The following WDFY2 variants were observed in gnomAD, a reference collection of about 807,000 sequenced individuals.
WDFY2 encodes WD repeat and FYVE domain-containing protein 2.
Under a neutral mutation model 56.4 loss-of-function variants are expected in WDFY2, and 36 were observed. That is an observed-to-expected ratio of 0.64 (90% CI 0.49 to 0.84). WDFY2 has a LOEUF of 0.84. Ranked by LOEUF, WDFY2 falls within the 40% of genes least tolerant of loss-of-function variation. The probability of loss-of-function intolerance (pLI) is 0.00; values close to 1 mark genes in which losing one functional copy is unlikely to be tolerated. For synonymous variants in WDFY2, 176 were observed against 183.7 expected (o/e 0.96, Z 0.34); for missense variants, 444 against 512.2 (o/e 0.87, Z 1.29).
At chr13:51,651,889 A>G (rs1390755025) in intron 1 of WDFY2, among the ~76,000 whole-genome samples, 2 of 152,174 alleles carry the variant, frequency 1.3e-5, no homozygotes, top group African/African-American at 2.4e-5. Context: ...GATTTGGGGT[A>G]GAGAATTCTG....
intron 6 of WDFY2, among the ~76,000 whole-genome samples, chr13:51,738,576 C>A (rs949740445): frequency 2.6e-5 from 4 of 152,136 alleles, no homozygotes; most frequent in Non-Finnish European, 5.9e-5. Context: ...TCCCAAAGAG[C>A]AAACATAATT....
intron 3 of WDFY2, among the ~76,000 whole-genome samples, chr13:51,676,025 C>A (rs1255651309): frequency 2.8e-4 from 42 of 152,152 alleles, no homozygotes; most frequent in Non-Finnish European, 1.2e-4. Context: ...GAAGGCCCTG[C>A]TCTGCTCACA....
At position 51,584,572 on chromosome 13, in the gene WDFY2, T is replaced by C; in HGVS notation, c.-116T>C. ...AGGCTATGCTCGCCGGTTTCCGGCG[T>C]TCCGCTCCGGCCAGCCAGAGTCTCT... On this transcript the variant is annotated 5_prime_UTR_variant, in exon 1 of 12. Coordinates refer to ENST00000298125, the MANE Select transcript of WDFY2 (RefSeq NM_052950.4). The C allele has an allele frequency of 7.3e-7, 1 of 1,374,386 alleles. No homozygotes were observed. Among genetic ancestry groups the C allele is most frequent in the East Asian group, 2.6e-5 (1 of 39,020 alleles). 85.1% of individuals were successfully genotyped at this position (1,374,386 alleles called of 1,614,324 possible). A position where few individuals can be genotyped will look rare whatever the true frequency, so the allele number is the denominator to read the frequency against.
intron 7 of WDFY2, among the ~76,000 whole-genome samples, chr13:51,750,417 C>T (rs1953204065): frequency 6.6e-6 from 1 of 151,890 alleles, no homozygotes; most frequent in Non-Finnish European, 1.5e-5. Context: ...TCAACTTCAG[C>T]CACAGATCAA....
rs551479259 is a variant in WDFY2, at chr13:51,739,412, G to A, written c.725+237G>A. The stretch of plus-strand genomic sequence containing the variant: ...ACAAAAACCATAAAATAAAGTAATG[G>A]CAGTGAATAAATAAAAGGTAAAAAT... On this transcript the variant is annotated intron_variant, in intron 7 of 11. Transcript: ENST00000298125. Among the ~76,000 whole-genome samples, 3 of 152,062 alleles carry A rather than the reference G, an allele frequency of 2.0e-5. No homozygotes were observed. In the East Asian group the frequency reaches 5.8e-4, roughly 29 times the overall value.
chr13:51,758,552 T>TAAAAA (rs35383381), intron 11 of WDFY2, among the ~76,000 whole-genome samples: 2 of 127,720 alleles, frequency 1.6e-5, no homozygotes, highest in African/African-American at 5.8e-5. Flanking sequence ...CCTCATCTCT[T>TAAAAA]AAAAAAAAAA....
At chr13:51,626,163 T>C (rs1266723234) in intron 1 of WDFY2, among the ~76,000 whole-genome samples, 1 of 152,216 alleles carries the variant, frequency 6.6e-6, no homozygotes, top group East Asian at 1.9e-4. Context: ...GGCCCAAGCT[T>C]GTCTTTAGAA....
chr13:51,716,794 C>T (rs1344798868), intron 4 of WDFY2, among the ~76,000 whole-genome samples: 2 of 114,530 alleles, frequency 1.7e-5, no homozygotes, highest in African/African-American at 6.3e-5. Context: ...AAAAAAAAAA[C>T]TAGCAAATTG....
At chr13:51,748,894 A>G (rs1214038232) in intron 7 of WDFY2, among the ~76,000 whole-genome samples, 3 of 152,126 alleles carry the variant, frequency 2.0e-5, no homozygotes, top group Non-Finnish European at 2.9e-5. Context: ...TTTGTCCTTC[A>G]TTTTTCTCTT....
chr13:51,631,037 C>T (rs1438784405), intron 1 of WDFY2, among the ~76,000 whole-genome samples: 2 of 150,778 alleles, frequency 1.3e-5, no homozygotes, highest in Non-Finnish European at 3.0e-5. Context: ...ATCTCGGCCT[C>T]CCAAAGTACT....
Position 51,628,612 on chromosome 13 carries a change from A to AC in WDFY2, c.138-31977dup, listed in dbSNP as rs574229785. Among the ~76,000 whole-genome samples, 19 of 151,534 alleles carry AC rather than the reference A, an allele frequency of 1.3e-4. No individual in the cohort carries two copies. The South Asian group carries it at 2.7e-3, about 22-fold the overall frequency. On this transcript the variant is annotated intron_variant, in intron 1 of 11. Transcript: ENST00000298125. Reference sequence around the variant, plus strand: ...TCACAGAGCGAGTATCCCTAGCGGCACCCCCCCTGCTGCAGCCGGCCTCTT... The same window carrying AC: ...TCACAGAGCGAGTATCCCTAGCGGCACCCCCCCCTGCTGCAGCCGGCCTCTT...
intron 2 of WDFY2, 71 bp from the exon 3 acceptor site, chr13:51,675,099 C>A: frequency 7.1e-7 from 1 of 1,400,878 alleles, no homozygotes; most frequent in Non-Finnish European, 1.0e-6. Context: ...ACACTTTTAG[C>A]TAGTTAGGCA....
intron 6 of WDFY2, among the ~76,000 whole-genome samples, chr13:51,737,645 C>T (rs896181535): frequency 2.1e-5 from 3 of 142,068 alleles, no homozygotes; most frequent in Non-Finnish European, 4.5e-5. Context: ...GACCTTTAAG[C>T]AAGAACTTGT....
chr13:51,588,551 C>T (rs181093584), intron 1 of WDFY2: 2 of 152,294 alleles, frequency 1.3e-5, no homozygotes, highest in Admixed American at 6.5e-5. Flanking sequence ...GCCAATGAAC[C>T]TCCTGCTTGT....
intron 6 of WDFY2, among the ~76,000 whole-genome samples, chr13:51,737,748 G>C (rs1028542266): frequency 2.0e-5 from 3 of 152,128 alleles, no homozygotes; most frequent in African/African-American, 7.2e-5. Context: ...TGAGCGGCCT[G>C]TCTGCATCCA....
intron 4 of WDFY2, among the ~76,000 whole-genome samples, chr13:51,714,945 T>C (rs1035358357): frequency 6.6e-6 from 1 of 152,212 alleles, no homozygotes; most frequent in Non-Finnish European, 1.5e-5. Flanking sequence ...CTGTAGGCAG[T>C]TGTAGCACAA....
intron 10 of WDFY2, among the ~76,000 whole-genome samples, chr13:51,757,652 A>G (rs748750780): frequency 6.6e-6 from 1 of 151,870 alleles, no homozygotes; most frequent in African/African-American, 2.4e-5. Context: ...AAAAAAAAGT[A>G]TAGGTAAAAA....
chr13:51,663,409 G>A (rs1955647989), intron 2 of WDFY2, among the ~76,000 whole-genome samples: 1 of 152,074 alleles, frequency 6.6e-6, no homozygotes, highest in African/African-American at 2.4e-5. Flanking sequence ...CAAACAAGAT[G>A]TATATGGTCA....
chr13:51,637,535 T>C (rs190506029), intron 1 of WDFY2, among the ~76,000 whole-genome samples: 2 of 152,058 alleles, frequency 1.3e-5, no homozygotes, highest in Admixed American at 1.3e-4. Flanking sequence ...GAGAACTGAG[T>C]GTTACAGGAA....
Sources: gnomAD v4.1 joint callset for allele counts (sites outside exome capture counted in the v4.1 genomes callset) on GRCh38, gnomAD v4.1.1 for gene constraint, MANE v1.5 for transcripts, NCBI Gene and HGNC (gene_info 2026-07-23, HGNC 2026-07-21) for gene names.